Variants in NAV3 observed in about 807,000 individuals in gnomAD.
The protein encoded by NAV3 is pore membrane and/or filament interacting like protein 1.
NAV3 carries 87 observed loss-of-function variants against 244.7 expected under a neutral mutation model. That is an observed-to-expected ratio of 0.36 (90% CI 0.30 to 0.42). NAV3 has a LOEUF of 0.42. NAV3 is among the 20% of genes least tolerant of loss of function. The probability of loss-of-function intolerance (pLI) is 1.00; values close to 1 mark genes in which losing one functional copy is unlikely to be tolerated. For missense variants in NAV3, 2,663 were observed against 2,893.3 expected, an observed-to-expected ratio of 0.92 and a Z score of 1.83; for synonymous variants, 1,126 against 1,042.2, an observed-to-expected ratio of 1.08 and a Z score of -1.55.
chr12:77,772,309 A>T (rs777642187), intron 2 of NAV3, among the ~76,000 whole-genome samples: 1 of 152,202 alleles, frequency 6.6e-6, no homozygotes, highest in African/African-American at 2.4e-5. Flanking sequence ...AAACATAAAG[A>T]TTATTTCAAA....
At chr12:77,752,094 G>A (rs10735296) in intron 2 of NAV3, among the ~76,000 whole-genome samples, 79,035 of 151,936 alleles carry the variant, frequency 0.52, 21,446 homozygotes, top group African/African-American at 0.69. Context: ...TTGTCTGTGC[G>A]CTTTTCTGTG....
rs796182422 is a variant in NAV3, at chr12:77,843,421, T to G, written c.243+11717T>G. 7.0e-3 allele frequency among the ~76,000 whole-genome samples: 1,034 copies of G among 148,604 alleles called. 18 individuals carry two copies. Among genetic ancestry groups the G allele is most frequent in the African/African-American group, 0.024 (977 of 40,526 alleles). ...TTTGTGTGTGTGTGTGTGTGTGTGTTTGTGTGTGTATCTTATAGGCATTAT... is the reference window on the plus strand; with the variant it reads ...TTTGTGTGTGTGTGTGTGTGTGTGTGTGTGTGTGTATCTTATAGGCATTAT... On this transcript the variant is annotated intron_variant, in intron 1 of 39. Coordinates refer to ENST00000397909, the MANE Select transcript of NAV3 (RefSeq NM_001024383.2).
intron 2 of NAV3, among the ~76,000 whole-genome samples, chr12:77,635,895 A>T (rs1285228831): frequency 6.6e-6 from 1 of 152,222 alleles, no homozygotes; most frequent in Admixed American, 6.5e-5. Context: ...AAGCAAGTAC[A>T]ATACTTGAAT....
At chr12:77,942,354 A>T (rs1390286143) in intron 3 of NAV3, among the ~76,000 whole-genome samples, 1 of 152,128 alleles carries the variant, frequency 6.6e-6, no homozygotes, top group Non-Finnish European at 1.5e-5. Context: ...CCTGGGCAAT[A>T]CGAGCAAAAC....
At position 78,194,907 on chromosome 12, in the gene NAV3, T is replaced by A. The variant is rs542584252; in HGVS notation, c.6292-2340T>A. 2.6e-5 allele frequency among the ~76,000 whole-genome samples: 4 copies of A among 152,206 alleles called. No individual in the cohort carries two copies. In the South Asian group the frequency reaches 8.3e-4, roughly 32 times the overall value. ...AAATCATACTGCCACCACAGTACAT[T>A]TTCCAGACGCTACAATCAATCTTTA... On this transcript the variant is annotated intron_variant, in intron 34 of 39. Transcript: ENST00000397909.
At chr12:78,095,077 A>ATATATATATATATATG (rs1164367800) in intron 12 of NAV3, among the ~76,000 whole-genome samples, 1 of 138,416 alleles carries the variant, frequency 7.2e-6, no homozygotes, top group Non-Finnish European at 1.6e-5. Context: ...ACACACACAC[A>ATATATATATATATATG]CACACACACA....
At chr12:78,057,830 C>T (rs1883736475) in intron 11 of NAV3, among the ~76,000 whole-genome samples, 1 of 152,180 alleles carries the variant, frequency 6.6e-6, no homozygotes, top group African/African-American at 2.4e-5. Flanking sequence ...CTACACTCAA[C>T]CATCCTTACA....
chr12:78,066,467 G>C (rs932398154), intron 12 of NAV3, among the ~76,000 whole-genome samples: 1 of 151,972 alleles, frequency 6.6e-6, no homozygotes, highest in Non-Finnish European at 1.5e-5. Context: ...CAATATGATG[G>C]CAAAATGAAT....
Position 78,107,433 on chromosome 12 carries a change from T to G in NAV3, c.2637-9339T>G, listed in dbSNP as rs553717330. 4.5e-4 allele frequency among the ~76,000 whole-genome samples: 69 copies of G among 152,210 alleles called. 1 individual carries two copies. The Middle Eastern group carries it at 0.014, about 30-fold the overall frequency. On this transcript the variant is annotated intron_variant, in intron 12 of 39. Coordinates refer to ENST00000397909, the MANE Select transcript of NAV3 (RefSeq NM_001024383.2). ...GCCGATAAAACGCAAAAAGGTCTTA[T>G]ACACAGCACATTACAATCAGACTGT...
chr12:77,737,554 A>G (rs1263936253), intron 2 of NAV3, among the ~76,000 whole-genome samples: 1 of 152,104 alleles, frequency 6.6e-6, no homozygotes, highest in Non-Finnish European at 1.5e-5. Context: ...ACTAAAGGAA[A>G]GTGAGGAGGG....
At chr12:78,018,598 T>A (rs1378982539) in intron 8 of NAV3, among the ~76,000 whole-genome samples, 1 of 152,138 alleles carries the variant, frequency 6.6e-6, no homozygotes, top group Non-Finnish European at 1.5e-5. Context: ...TAGACAAATA[T>A]TTCAGTGAAA....
chr12:77,753,010 A>G (rs1475093128), intron 2 of NAV3, among the ~76,000 whole-genome samples: 2 of 152,196 alleles, frequency 1.3e-5, no homozygotes, highest in African/African-American at 2.4e-5. Flanking sequence ...CAGGAACTCC[A>G]TGACCTGAAG....
At chr12:78,202,725 A>G (rs2140060516) in intron 38 of NAV3, among the ~76,000 whole-genome samples, 1 of 152,164 alleles carries the variant, frequency 6.6e-6, no homozygotes, top group South Asian at 2.1e-4. Context: ...GGGGGAGGGG[A>G]ATCCAGCACA....
chr12:78,042,783 T>C (rs1343687462), intron 9 of NAV3, among the ~76,000 whole-genome samples: 1 of 152,162 alleles, frequency 6.6e-6, no homozygotes, highest in Non-Finnish European at 1.5e-5. Flanking sequence ...AGTGAGACTC[T>C]GTCTAAAAAT....
At chr12:78,171,423 G>A (rs1957992964) in intron 24 of NAV3, among the ~76,000 whole-genome samples, 1 of 151,572 alleles carries the variant, frequency 6.6e-6, no homozygotes, top group African/African-American at 2.4e-5. Flanking sequence ...TTGAAAAATT[G>A]GAATTCTTTT....
intron 2 of NAV3, among the ~76,000 whole-genome samples, chr12:77,622,760 T>C (rs887100807): frequency 1.6e-4 from 25 of 152,268 alleles, no homozygotes; most frequent in African/African-American, 5.8e-4. Flanking sequence ...TTAATTTTGA[T>C]ATAGAGAATT....
At chr12:78,099,230 AGTCC>A (rs1342220756) in intron 12 of NAV3, among the ~76,000 whole-genome samples, 2 of 151,572 alleles carry the variant, frequency 1.3e-5, no homozygotes, top group African/African-American at 4.8e-5. Context: ...AATATATAAT[AGTCC>A]ATATGATATA....
rs142030590 is a variant in NAV3, at chr12:77,943,074, A to G, written c.414+1941A>G. The stretch of plus-strand genomic sequence containing the variant: ...CAGGCAAGCTTATACTCAGTGATGG[A>G]AAAACAATTCCAAAGCTCATAACAA... On this transcript the variant is annotated intron_variant, in intron 3 of 39. Transcript: ENST00000397909. 3.7e-3 allele frequency among the ~76,000 whole-genome samples: 564 copies of G among 152,334 alleles called. 7 individuals carry two copies. Among genetic ancestry groups the G allele is most frequent in the African/African-American group, 0.013 (528 of 41,588 alleles).
At chr12:77,861,118 T>C (rs1022966298) in intron 1 of NAV3, among the ~76,000 whole-genome samples, 9 of 151,912 alleles carry the variant, frequency 5.9e-5, no homozygotes, top group African/African-American at 2.2e-4. Flanking sequence ...TTGTCTCCTA[T>C]GTAGTAGAGA....
Sources: gnomAD v4.1 joint callset for allele counts (sites outside exome capture counted in the v4.1 genomes callset) on GRCh38, gnomAD v4.1.1 for gene constraint, MANE v1.5 for transcripts, NCBI Gene and HGNC (gene_info 2026-07-23, HGNC 2026-07-21) for gene names.